Variants in MYO9B observed in about 807,000 individuals in gnomAD.
The protein encoded by MYO9B is myosin IXB.
Under a neutral mutation model 229.5 loss-of-function variants are expected in MYO9B, and 71 were observed. The observed-to-expected ratio is 0.31, with a 90% confidence interval of 0.26 to 0.38. The LOEUF (loss-of-function observed/expected upper bound fraction) is 0.38. Among genes scored for constraint, MYO9B ranks in the 10% least tolerant of loss-of-function variants. MYO9B has a pLI of 1.00. For synonymous variants in MYO9B, 1,185 were observed against 1,235.8 expected, an observed-to-expected ratio of 0.96 and a Z score of 0.86; for missense variants, 2,255 against 2,920.5, an observed-to-expected ratio of 0.77 and a Z score of 5.25.
chr19:17,190,324 C>T (rs887964204), intron 19 of MYO9B, among the ~76,000 whole-genome samples: 1 of 151,352 alleles, frequency 6.6e-6, no homozygotes, highest in African/African-American at 2.4e-5. Context: ...CTCTCCAGTA[C>T]ATGGGGTTAC....
chr19:17,093,365 G>A lies in MYO9B; in HGVS notation c.-58-8295G>A, dbSNP rs184847986. 2.0e-3 allele frequency among the ~76,000 whole-genome samples: 299 copies of A among 151,972 alleles called. 1 individual carries two copies. The highest frequency in any genetic ancestry group is 0.016 in the Admixed American group (251 of 15,256). On this transcript the variant is annotated intron_variant, in intron 1 of 39. Coordinates refer to ENST00000682292, the MANE Select transcript of MYO9B (RefSeq NM_004145.4). ...AAAAAAGAAAAAGACATATATCTTC[G>A]GTTTGGGCTCCTGTATTCCTTACCT...
At chr19:17,140,543 C>T (rs1261702993) in intron 2 of MYO9B, among the ~76,000 whole-genome samples, 1 of 151,728 alleles carries the variant, frequency 6.6e-6, no homozygotes, top group Non-Finnish European at 1.5e-5. Context: ...GGCTGGAGTG[C>T]AATGGCACGA....
intron 1 of MYO9B, among the ~76,000 whole-genome samples, chr19:17,085,275 G>A (rs1401437596): frequency 2.0e-5 from 3 of 152,148 alleles, no homozygotes; most frequent in Admixed American, 6.5e-5. Flanking sequence ...GCAGAGGGTG[G>A]GTTTCATGGC....
At position 17,211,834 on chromosome 19, in the gene MYO9B, C is replaced by T. The variant is rs747584630; in HGVS notation, c.6058+60C>T. On this transcript the variant is annotated intron_variant, in intron 39 of 39. Coordinates refer to ENST00000682292, the MANE Select transcript of MYO9B (RefSeq NM_004145.4). Reference sequence around the variant, plus strand: ...CCGTCCATCCCAGCAGGCCCCAGGGCGAGGGTCCTCCGGCTGCCGGCCCTG... The same window carrying T: ...CCGTCCATCCCAGCAGGCCCCAGGGTGAGGGTCCTCCGGCTGCCGGCCCTG... The T allele has an allele frequency of 4.4e-6, 7 of 1,608,440 alleles. No individual in the cohort carries two copies. The highest frequency in any genetic ancestry group is 2.2e-5 in the East Asian group (1 of 44,808).
intron 1 of MYO9B, among the ~76,000 whole-genome samples, chr19:17,088,557 T>A (rs2057606021): frequency 6.6e-6 from 1 of 152,166 alleles, no homozygotes; most frequent in South Asian, 2.1e-4. Context: ...CCTGGCCCCT[T>A]AGCAGGGCCT....
Position 17,188,033 on chromosome 19 carries a change from G to C in MYO9B, c.2676G>C (p.Lys892Asn). 1 of 1,594,776 alleles carries C rather than the reference G, an allele frequency of 6.3e-7. No individual in the cohort carries two copies. Among genetic ancestry groups the C allele is most frequent in the East Asian group, 2.3e-5 (1 of 43,858 alleles). Residue 892 changes from lysine (K) to asparagine (N), a missense_variant, in exon 19 of 40, where the codon AAG (lysine) becomes AAC (asparagine). By Grantham distance (94) the Lys-to-Asn change is moderately conservative. Transcript: ENST00000682292. ...TCCGGAGGTCAGGGTACAGCGCCAAGTACACGTTCCAGGTAGGCCACAAGC... is the reference window on the plus strand; with the variant it reads ...TCCGGAGGTCAGGGTACAGCGCCAACTACACGTTCCAGGTAGGCCACAAGC... ...VRIRRSGYSA[K>N]YTFQDFTEQF...
intron 1 of MYO9B, among the ~76,000 whole-genome samples, chr19:17,079,700 C>T (rs575479267): frequency 1.3e-3 from 191 of 152,286 alleles, no homozygotes; most frequent in South Asian, 3.9e-3. Flanking sequence ...TTGGAGGAGA[C>T]GCTCTGGGGC....
chr19:17,166,895 A>G (rs904162238), intron 10 of MYO9B, among the ~76,000 whole-genome samples: 1 of 152,062 alleles, frequency 6.6e-6, no homozygotes. Flanking sequence ...TGCTTTATCC[A>G]TTAGTGGGCA....
At chr19:17,082,391 G>T (rs1002277766) in intron 1 of MYO9B, among the ~76,000 whole-genome samples, 1 of 152,102 alleles carries the variant, frequency 6.6e-6, no homozygotes, top group Admixed American at 6.6e-5. Context: ...GGTGGGCACC[G>T]CTGCTTCCTC....
intron 14 of MYO9B, among the ~76,000 whole-genome samples, chr19:17,179,271 G>A (rs1047633550): frequency 6.6e-6 from 1 of 152,022 alleles, no homozygotes; most frequent in Non-Finnish European, 1.5e-5. Flanking sequence ...TGTTCAAACT[G>A]TGGCTCTTGT....
Position 17,212,469 on chromosome 19 carries a change from G to A in MYO9B, c.*159G>A. On this transcript the variant is annotated 3_prime_UTR_variant, in exon 40 of 40. Transcript: ENST00000682292. This position sits in a 1 kb window ranked among gnomAD's most constrained non-coding sequence, Gnocchi z 5.4. ...CACCGGCCCCAAGTGCAGAGTCAAG[G>A]CAGGGAGAGGCCGGCTGGAGCCAGG... 2.3e-6 allele frequency: 2 copies of A among 885,478 alleles called. No homozygotes were observed. The highest frequency in any genetic ancestry group is 1.7e-5 in the African/African-American group (1 of 57,174). The allele number at this position is 885,478 out of a possible 1,614,324, so 54.9% of individuals were successfully genotyped here.
chr19:17,142,808 C>G (rs2072357981), intron 2 of MYO9B, among the ~76,000 whole-genome samples: 1 of 152,068 alleles, frequency 6.6e-6, no homozygotes, highest in Non-Finnish European at 1.5e-5. Context: ...ATGTGAAAAC[C>G]ATTCTTGGCT....
At chr19:17,210,903 C>G (rs1001164248) in intron 38 of MYO9B, 55 bp downstream of exon 38, 18 of 1,555,858 alleles carry the variant, frequency 1.2e-5, no homozygotes, top group Non-Finnish European at 1.5e-5. Flanking sequence ...AGCTGGAGTG[C>G]AGGTTCCATC....
intron 1 of MYO9B, among the ~76,000 whole-genome samples, chr19:17,098,395 C>T (rs745992486): frequency 6.6e-6 from 1 of 152,174 alleles, no homozygotes; most frequent in Non-Finnish European, 1.5e-5. Context: ...CTAATGTCTT[C>T]TCTTGTCCTT....
chr19:17,109,712 G>C (rs920502266), intron 2 of MYO9B, among the ~76,000 whole-genome samples: 2 of 152,188 alleles, frequency 1.3e-5, no homozygotes, highest in African/African-American at 4.8e-5. Flanking sequence ...CATCCTTGGA[G>C]CTCTGGGCTT....
intron 30 of MYO9B, among the ~76,000 whole-genome samples, chr19:17,205,011 C>T (rs947914409): frequency 2.0e-5 from 3 of 152,036 alleles, no homozygotes; most frequent in South Asian, 2.1e-4. Flanking sequence ...ATTAGCCAGG[C>T]GTGGTGGCGC....
chr19:17,089,467 T>C (rs1409472560), intron 1 of MYO9B, among the ~76,000 whole-genome samples: 1 of 152,216 alleles, frequency 6.6e-6, no homozygotes, highest in Non-Finnish European at 1.5e-5. Flanking sequence ...CGCCACACTT[T>C]CTGGAGGCCC....
intron 34 of MYO9B, 55 bp from the exon 35 acceptor site, chr19:17,207,058 C>T (rs1185086761): frequency 3.1e-6 from 5 of 1,594,392 alleles, no homozygotes; most frequent in Non-Finnish European, 4.3e-6. Flanking sequence ...TCGGGGCTCC[C>T]TGGTACCTCC....
chr19:17,198,164 C>T lies in MYO9B; in HGVS notation c.4114-20C>T, dbSNP rs1188367857. The T allele has an allele frequency of 3.1e-6, 5 of 1,613,372 alleles. No homozygotes were observed. Among genetic ancestry groups the T allele is most frequent in the Non-Finnish European group, 3.4e-6 (4 of 1,179,754 alleles). ...ACTGCCAGCCTTTCCTTAGCAGCCC[C>T]CCACTGCACCGTCTTGCAGCCTGCA... On this transcript the variant is annotated intron_variant, in intron 23 of 39. Coordinates refer to ENST00000682292, the MANE Select transcript of MYO9B (RefSeq NM_004145.4).
Sources: allele counts gnomAD v4.1 joint callset (sites outside exome capture counted in the v4.1 genomes callset), GRCh38; gene constraint gnomAD v4.1.1; non-coding constraint Gnocchi (gnomAD v3.1); transcripts MANE v1.5; gene names NCBI Gene and HGNC (gene_info 2026-07-23, HGNC 2026-07-21).